The following CATSPERE variants were observed in gnomAD, a reference collection of about 807,000 sequenced individuals.
The protein encoded by CATSPERE is catsper channel auxiliary subunit epsilon.
CATSPERE carries 93 observed loss-of-function variants against 114.1 expected under a neutral mutation model. The observed-to-expected ratio is 0.81, with a 90% CI of 0.69 to 0.97. The LOEUF is 0.97. Among genes scored for constraint, CATSPERE ranks in the 50% least tolerant of loss-of-function variants. CATSPERE has a pLI of 0.00. For missense variants in CATSPERE, 1,058 were observed against 1,131.6 expected (o/e 0.93, Z 0.93); for synonymous variants, 341 against 384.1 (o/e 0.89, Z 1.31).
intron 6 of CATSPERE, among the ~76,000 whole-genome samples, chr1:244,494,687 A>T (rs1208788662): frequency 6.6e-6 from 1 of 152,168 alleles, no homozygotes; most frequent in Non-Finnish European, 1.5e-5. Flanking sequence ...TGATGGAAAG[A>T]TATATTCAAA....
intron 6 of CATSPERE, among the ~76,000 whole-genome samples, chr1:244,495,271 C>A (rs374286806): frequency 1.3e-5 from 2 of 152,038 alleles, no homozygotes; most frequent in African/African-American, 4.8e-5. Context: ...ACTAAACATA[C>A]AAATGAATAT....
In CATSPERE at chr1:244,552,549, CAGATATGG is replaced by C; in HGVS notation, c.768_775del (p.Met257LeufsTer5). ...GTAGTTGCATCTGCTGTTTTGGTGA[CAGATATGG>C]AGACCTTTCACACAACTGATTCATT... On this transcript the variant is annotated frameshift_variant, in exon 9 of 22. Coordinates refer to ENST00000366534, the MANE Select transcript of CATSPERE (RefSeq NM_001130957.2). LOFTEE classifies it high-confidence loss of function. The C allele has an allele frequency of 6.2e-7, 1 of 1,614,152 alleles. No homozygotes were observed. Among genetic ancestry groups the C allele is most frequent in the Non-Finnish European group, 8.5e-7 (1 of 1,180,030 alleles).
chr1:244,497,362 C>T (rs1037213824), intron 6 of CATSPERE, among the ~76,000 whole-genome samples: 4 of 151,220 alleles, frequency 2.6e-5, no homozygotes, highest in South Asian at 2.1e-4. Flanking sequence ...CTTCTTAATA[C>T]GTAAAAAAAT....
intron 8 of CATSPERE, among the ~76,000 whole-genome samples, chr1:244,539,255 G>C (rs1264333270): frequency 6.7e-6 from 1 of 149,372 alleles, no homozygotes; most frequent in Non-Finnish European, 1.5e-5. Flanking sequence ...CTTTGGTTCT[G>C]TTTATATGCT....
intron 7 of CATSPERE, among the ~76,000 whole-genome samples, chr1:244,501,948 A>G (rs1249527402): frequency 1.3e-5 from 2 of 152,132 alleles, no homozygotes; most frequent in Non-Finnish European, 2.9e-5. Context: ...TGTTCTATGC[A>G]TCTGTGTCTT....
At chr1:244,512,134 A>G (rs1050151479) in intron 7 of CATSPERE, among the ~76,000 whole-genome samples, 3 of 152,062 alleles carry the variant, frequency 2.0e-5, no homozygotes, top group African/African-American at 4.8e-5. Context: ...TAGCTTTTCT[A>G]TGTGTTTGCC....
chr1:244,474,146 C>T (rs1668911000), intron 2 of CATSPERE, among the ~76,000 whole-genome samples: 1 of 152,062 alleles, frequency 6.6e-6, no homozygotes, highest in African/African-American at 2.4e-5. Context: ...ATTCTCTTGC[C>T]TGAGCCTCCT....
At chr1:244,579,703 T>G (rs1665880328) in intron 11 of CATSPERE, among the ~76,000 whole-genome samples, 1 of 152,232 alleles carries the variant, frequency 6.6e-6, no homozygotes, top group Admixed American at 6.5e-5. Flanking sequence ...AACATTGCAT[T>G]TTGCAAAAAT....
At chr1:244,591,082 T>C (rs989259497) in intron 14 of CATSPERE, among the ~76,000 whole-genome samples, 1 of 152,088 alleles carries the variant, frequency 6.6e-6, no homozygotes, top group African/African-American at 2.4e-5. Context: ...CCAATTTCTC[T>C]GCTTCCTTGC....
In CATSPERE at chr1:244,533,503, G is replaced by C. The variant is rs182616148; in HGVS notation, c.536+14805G>C. Reference sequence around the variant, plus strand: ...CTCAGGTGGTATGTTTTAATTTCTTGGTGCTTTTTATTTTTTGTGTAGCTG... The same window carrying C: ...CTCAGGTGGTATGTTTTAATTTCTTCGTGCTTTTTATTTTTTGTGTAGCTG... On this transcript the variant is annotated intron_variant, in intron 8 of 21. Coordinates refer to ENST00000366534, the MANE Select transcript of CATSPERE (RefSeq NM_001130957.2). 3.7e-3 allele frequency among the ~76,000 whole-genome samples: 556 copies of C among 151,690 alleles called. 1 individual carries two copies. Among genetic ancestry groups the C allele is most frequent in the African/African-American group, 0.013 (534 of 41,412 alleles).
chr1:244,467,609 C>G (rs1314669359), intron 2 of CATSPERE, among the ~76,000 whole-genome samples: 1 of 152,136 alleles, frequency 6.6e-6, no homozygotes, highest in Non-Finnish European at 1.5e-5. Context: ...AGTTTGACTC[C>G]TAGGTATACA....
upstream of CATSPERE, among the ~76,000 whole-genome samples, chr1:244,458,686 T>C (rs1392080741): frequency 6.6e-6 from 1 of 152,240 alleles, no homozygotes; most frequent in African/African-American, 2.4e-5. Context: ...ATTTAGAGCA[T>C]ATTTGTTCCT....
chr1:244,456,279 G>A (rs1001906347), upstream of CATSPERE, among the ~76,000 whole-genome samples: 1 of 151,944 alleles, frequency 6.6e-6, no homozygotes, highest in Non-Finnish European at 1.5e-5. Flanking sequence ...ATCCGTCTTT[G>A]CCTTCAGCTG....
chr1:244,480,705 A>T (rs1038413957), intron 5 of CATSPERE, among the ~76,000 whole-genome samples: 3 of 73,168 alleles, frequency 4.1e-5, no homozygotes. Flanking sequence ...GTTTATGTGG[A>T]ATTTTTGGAT....
intron 11 of CATSPERE, among the ~76,000 whole-genome samples, chr1:244,574,976 C>T (rs1665016888): frequency 1.3e-5 from 2 of 152,100 alleles, no homozygotes; most frequent in Non-Finnish European, 2.9e-5. Flanking sequence ...CCTTCTGTGT[C>T]TTTCTCTGAT....
chr1:244,488,615 G>A (rs58717849), intron 5 of CATSPERE, among the ~76,000 whole-genome samples: 1 of 152,098 alleles, frequency 6.6e-6, no homozygotes, highest in South Asian at 2.1e-4. Context: ...GTATTAATAC[G>A]AAAGCCTTTC....
intron 17 of CATSPERE, among the ~76,000 whole-genome samples, chr1:244,594,400 TTTG>T (rs1411870222): frequency 6.6e-6 from 1 of 152,246 alleles, no homozygotes; most frequent in Non-Finnish European, 1.5e-5. Context: ...TGATTTTGTA[TTTG>T]TTTGCTTTCG....
In CATSPERE at chr1:244,479,710, C is replaced by G; in HGVS notation, c.259-7C>G. The G allele has an allele frequency of 6.3e-7, 1 of 1,578,076 alleles. No homozygotes were observed. The highest frequency in any genetic ancestry group is 1.7e-4 in the Middle Eastern group (1 of 5,970). ...TATATCACAGTTTCTTTTGCATTTT[C>G]TTTTAGGATGAAGAAGAACGCTATT... On this transcript the variant is annotated splice_polypyrimidine_tract_variant and splice_region_variant and intron_variant, in intron 4 of 21. Transcript: ENST00000366534.
intron 8 of CATSPERE, among the ~76,000 whole-genome samples, chr1:244,531,235 CAAAAAAAA>C (rs60936159): frequency 6.6e-5 from 4 of 60,402 alleles, no homozygotes; most frequent in African/African-American, 1.7e-4. Context: ...GACTCAGTCT[CAAAAAAAA>C]AAAAAAAAAA....
Sources: allele counts gnomAD v4.1 joint callset (sites outside exome capture counted in the v4.1 genomes callset), GRCh38; gene constraint gnomAD v4.1.1; transcripts MANE v1.5; gene names NCBI Gene and HGNC (gene_info 2026-07-23, HGNC 2026-07-21).